LIMK1: variants seen among roughly 807,000 people sequenced by gnomAD.
LIMK1 encodes the protein LIM motif-containing protein kinase.
In LIMK1, 21 loss-of-function variants were observed where a neutral mutation model predicts 77.6. The observed-to-expected ratio is 0.27, with a 90% CI of 0.19 to 0.39. LIMK1 has a LOEUF of 0.39. Ranked by LOEUF, LIMK1 falls within the 10% of genes least tolerant of loss-of-function variation. The pLI is 1.00. For synonymous variants in LIMK1, 358 were observed against 370.0 expected (o/e 0.97, Z 0.37); for missense variants, 696 against 901.6 (o/e 0.77, Z 2.92).
chr7:74,106,047 C>A, intron 6 of LIMK1, 30 bp from the exon 7 acceptor site: 3 of 1,613,730 alleles, frequency 1.9e-6, no homozygotes, highest in Non-Finnish European at 2.5e-6. Flanking sequence ...CTCCCCACTC[C>A]ACCCCCATTC....
chr7:74,106,321 G>A, intron 7 of LIMK1, 78 bp downstream of exon 7: 1 of 1,503,262 alleles, frequency 6.7e-7, no homozygotes, highest in Non-Finnish European at 8.9e-7. Flanking sequence ...CCTAGGTCGG[G>A]GAGCCAGCCC....
intron 2 of LIMK1, among the ~76,000 whole-genome samples, chr7:74,092,123 A>G (rs1337016579): frequency 6.6e-6 from 1 of 151,372 alleles, no homozygotes; most frequent in East Asian, 1.9e-4. Context: ...CCACCACCAC[A>G]CCTGGCTAAT....
chr7:74,108,472 C>T (rs1563920703), intron 9 of LIMK1, among the ~76,000 whole-genome samples: 1 of 151,962 alleles, frequency 6.6e-6, no homozygotes, highest in Non-Finnish European at 1.5e-5. Context: ...TGGCAAAACC[C>T]CGTCTCTACT....
intron 5 of LIMK1, 46 bp downstream of exon 5, chr7:74,099,284 G>A (rs1554696189): frequency 7.0e-6 from 11 of 1,562,098 alleles, no homozygotes; most frequent in South Asian, 1.1e-5. Context: ...GGCTATGGCT[G>A]TTGATGTGGG....
chr7:74,115,378 G>A (rs463544), intron 12 of LIMK1: 136,053 of 159,746 alleles, frequency 0.85, 58,649 homozygotes, highest in Middle Eastern at 0.93. Flanking sequence ...AGCCGAGATC[G>A]CGCCACTGCG....
chr7:74,102,257 A>ACACCCTT (rs1368094156), intron 5 of LIMK1, among the ~76,000 whole-genome samples: 1 of 151,998 alleles, frequency 6.6e-6, no homozygotes, highest in Non-Finnish European at 1.5e-5. Context: ...GAATACATAC[A>ACACCCTT]CACCCTTCAC....
intron 2 of LIMK1, among the ~76,000 whole-genome samples, chr7:74,093,512 G>C (rs1175219673): frequency 6.6e-6 from 1 of 152,192 alleles, no homozygotes; most frequent in African/African-American, 2.4e-5. Flanking sequence ...TCCACCTGCT[G>C]TTTCTTCACA....
At chr7:74,102,922 G>A (rs886613775) in intron 5 of LIMK1, among the ~76,000 whole-genome samples, 9 of 149,576 alleles carry the variant, frequency 6.0e-5, no homozygotes, top group African/African-American at 1.2e-4. Context: ...AGGTTGGAGC[G>A]CAATGGCGCA....
chr7:74,118,377 A>AACAC (rs57707215), intron 13 of LIMK1, among the ~76,000 whole-genome samples: 7,823 of 130,012 alleles, frequency 0.06, 282 homozygotes, highest in South Asian at 0.1. Flanking sequence ...CTCTGTGTCA[A>AACAC]ACACACACAC....
At chr7:74,108,819 C>T in intron 9 of LIMK1, 86 bp from the exon 10 acceptor site, 2 of 1,549,324 alleles carry the variant, frequency 1.3e-6, no homozygotes, top group Non-Finnish European at 8.7e-7. Context: ...GCCTACAGCC[C>T]CTGGTGGGAT....
rs781858915 is a variant in LIMK1, at chr7:74,120,974, G to A, written c.1706G>A (p.Arg569His). 59 of 1,613,556 alleles carry A rather than the reference G, an allele frequency of 3.7e-5. No homozygotes were observed. Among genetic ancestry groups the A allele is most frequent in the Middle Eastern group, 1.6e-4 (1 of 6,082 alleles). The change falls in exon 15 of 16, where the codon CGC becomes CAC. Residue 569 changes from arginine to histidine, a missense_variant. By Grantham distance (29) the Arg-to-His change is conservative (BLOSUM62 0). Coordinates refer to ENST00000336180, the MANE Select transcript of LIMK1 (RefSeq NM_002314.4). ...CTCAACGTGCGAGGATTCCTGGACC[G>A]CTACTGCCCCCCAAACTGCCCCCCG... is the stretch of plus-strand genomic sequence containing the variant. ...FGLNVRGFLD[R>H]YCPPNCPPSF...
intron 13 of LIMK1, among the ~76,000 whole-genome samples, chr7:74,118,382 A>ACT (rs1463412454): frequency 1.0e-3 from 57 of 55,720 alleles, no homozygotes; most frequent in Non-Finnish European, 2.1e-3. Context: ...TGTCAAACAC[A>ACT]CACACACACA....
intron 2 of LIMK1, chr7:74,093,873 C>T (rs1454992442): frequency 2.0e-5 from 3 of 152,624 alleles, no homozygotes; most frequent in Non-Finnish European, 4.4e-5. Flanking sequence ...CCAGGCCCGT[C>T]AGCCTCTAGC....
intron 12 of LIMK1, among the ~76,000 whole-genome samples, chr7:74,114,743 G>A (rs569412095): frequency 7.9e-5 from 12 of 151,250 alleles, no homozygotes; most frequent in Admixed American, 2.6e-4. Context: ...GTGAAACCCC[G>A]TCTCTACTAA....
At chr7:74,113,794 A>G (rs1554698964) in intron 12 of LIMK1, among the ~76,000 whole-genome samples, 1 of 151,934 alleles carries the variant, frequency 6.6e-6, no homozygotes, top group Admixed American at 6.6e-5. Flanking sequence ...CCTGCCTCTT[A>G]ATACCGTTAG....
intron 2 of LIMK1, among the ~76,000 whole-genome samples, chr7:74,095,593 A>G (rs1799321698): frequency 6.6e-6 from 1 of 151,944 alleles, no homozygotes; most frequent in Non-Finnish European, 1.5e-5. Flanking sequence ...TTTTTAAGAG[A>G]TGGGGTCTTA....
At chr7:74,120,276 G>A (rs181246779) in intron 13 of LIMK1, among the ~76,000 whole-genome samples, 1 of 152,340 alleles carries the variant, frequency 6.6e-6, no homozygotes, top group Admixed American at 6.5e-5. Context: ...CCAGAGACCT[G>A]ACATGGTTCC....
chr7:74,085,393 G>C lies in LIMK1; in HGVS notation c.56-355G>C, dbSNP rs116370646. Among the ~76,000 whole-genome samples the C allele has an allele frequency of 2.9e-3, 449 of 152,356 alleles. 2 individuals are homozygous for C. Among genetic ancestry groups the C allele is most frequent in the African/African-American group, 0.01 (422 of 41,592 alleles). Reference sequence around the variant, plus strand: ...GGCAGGAGAGGGAAGAAAGGAGGCTGTGATAGGAATGTCACCCACTGCCTT... The same window carrying C: ...GGCAGGAGAGGGAAGAAAGGAGGCTCTGATAGGAATGTCACCCACTGCCTT... On this transcript the variant is annotated intron_variant, in intron 1 of 15. Transcript: ENST00000336180.
In LIMK1 at chr7:74,121,367, G is replaced by T; in HGVS notation, c.*66G>T. 7.0e-7 allele frequency: 1 copy of T among 1,424,156 alleles called. No homozygotes were observed. 88.2% of individuals were successfully genotyped at this position (1,424,156 alleles called of 1,614,324 possible). A position where few individuals can be genotyped will look rare whatever the true frequency, so the allele number is the denominator to read the frequency against. On this transcript the variant is annotated 3_prime_UTR_variant, in exon 16 of 16. Coordinates refer to ENST00000336180, the MANE Select transcript of LIMK1 (RefSeq NM_002314.4). The stretch of plus-strand genomic sequence containing the variant: ...ATCCACCCCCACCAGATTCCTCCGC[G>T]GGAGGTGGCCCTCAGCTGGGACAGT...
Sources: allele counts gnomAD v4.1 joint callset (sites outside exome capture counted in the v4.1 genomes callset), GRCh38; gene constraint gnomAD v4.1.1; transcripts MANE v1.5; gene names NCBI Gene and HGNC (gene_info 2026-07-23, HGNC 2026-07-21).